GTF3C1: variants seen among roughly 807,000 people sequenced by gnomAD.
GTF3C1 encodes general transcription factor 3C polypeptide 1.
A neutral mutation model predicts 226.7 loss-of-function variants in GTF3C1; 57 were observed. The ratio of observed to expected loss-of-function variants is 0.25; its 90% confidence interval spans 0.20 to 0.31. GTF3C1 has a LOEUF of 0.31. Among genes scored for constraint, GTF3C1 ranks in the 10% least tolerant of loss-of-function variants. The pLI, the probability that GTF3C1 is intolerant of heterozygous loss-of-function variation, is 1.00. For synonymous variants in GTF3C1, 1,090 were observed against 1,084.8 expected, an observed-to-expected ratio of 1.00 and a Z score of -0.09; for missense variants, 2,217 against 2,776.1, an observed-to-expected ratio of 0.80 and a Z score of 4.53.
chr16:27,549,556 C>G, intron 1 of GTF3C1, 114 bp downstream of exon 1: 1 of 671,568 alleles, frequency 1.5e-6, no homozygotes, highest in African/African-American at 1.8e-5. Flanking sequence ...ACTCAATCAA[C>G]AGGCCTCCGG....
intron 6 of GTF3C1, among the ~76,000 whole-genome samples, chr16:27,512,283 G>A (rs537758463): frequency 3.6e-4 from 55 of 152,206 alleles, no homozygotes; most frequent in African/African-American, 1.2e-3. Flanking sequence ...CCACACTCAG[G>A]AGGCACGCGA....
chr16:27,520,999 C>T (rs571388834), intron 6 of GTF3C1, among the ~76,000 whole-genome samples: 2 of 152,300 alleles, frequency 1.3e-5, no homozygotes, highest in African/African-American at 4.8e-5. Context: ...GATTAGAGGC[C>T]TAAGCCACAG....
chr16:27,502,245 T>TATGAGGAAGA (rs1192148947), intron 11 of GTF3C1, among the ~76,000 whole-genome samples: 2 of 151,830 alleles, frequency 1.3e-5, no homozygotes, highest in Non-Finnish European at 2.9e-5. Context: ...AGACACGGAG[T>TATGAGGAAGA]ATGAGGAAGA....
At chr16:27,488,091 T>A in intron 23 of GTF3C1, 136 bp downstream of exon 23, 1 of 697,032 alleles carries the variant, frequency 1.4e-6, no homozygotes, top group East Asian at 2.5e-5. Context: ...TCATAGAGAG[T>A]CAGCGCCACA....
chr16:27,488,092 C>T (rs1009191249), intron 23 of GTF3C1, 135 bp downstream of exon 23: 45 of 707,366 alleles, frequency 6.4e-5, no homozygotes, highest in Non-Finnish European at 1.0e-4. Context: ...CATAGAGAGT[C>T]AGCGCCACAC....
At chr16:27,477,358 G>C (rs1334297521) in intron 28 of GTF3C1, among the ~76,000 whole-genome samples, 1 of 151,644 alleles carries the variant, frequency 6.6e-6, no homozygotes, top group African/African-American at 2.4e-5. Flanking sequence ...CCAGGCTTGA[G>C]TGCAATGGTG....
intron 2 of GTF3C1, among the ~76,000 whole-genome samples, chr16:27,541,826 T>C (rs2089088496): frequency 6.6e-6 from 1 of 151,924 alleles, no homozygotes; most frequent in African/African-American, 2.4e-5. Context: ...CGGGACCCAA[T>C]CAGGAGGGCA....
At chr16:27,503,131 G>A in intron 10 of GTF3C1, 136 bp from the exon 11 acceptor site, 1 of 633,486 alleles carries the variant, frequency 1.6e-6, no homozygotes, top group East Asian at 2.7e-5. Context: ...CAAGAAGCCT[G>A]TTCTCCTACA....
In GTF3C1 at chr16:27,509,998, C is replaced by T. The variant is rs542802145; in HGVS notation, c.1127-1343G>A. Among the ~76,000 whole-genome samples, 47 of 152,282 alleles carry T rather than the reference C, an allele frequency of 3.1e-4. No individual in the cohort carries two copies. In the South Asian group the frequency reaches 9.5e-3, roughly 31 times the overall value. On this transcript the variant is annotated intron_variant, in intron 7 of 36. Coordinates refer to ENST00000356183, the MANE Select transcript of GTF3C1 (RefSeq NM_001520.4). Reference sequence around the variant, plus strand: ...GTGTGGTGGCTCACACCTGTAATCCCAGCACTTTGGGAGGCCGAGGTGGGT... The same window carrying T: ...GTGTGGTGGCTCACACCTGTAATCCTAGCACTTTGGGAGGCCGAGGTGGGT...
At chr16:27,509,105 T>C (rs2088532273) in intron 7 of GTF3C1, among the ~76,000 whole-genome samples, 1 of 152,226 alleles carries the variant, frequency 6.6e-6, no homozygotes, top group African/African-American at 2.4e-5. Flanking sequence ...CAGTATTTCT[T>C]GATAGACACA....
rs756483718 is a variant in GTF3C1 at position 27,488,563 on chromosome 16, T to C, written c.3502A>G (p.Ser1168Gly). ...TFLSKRPMPL[S>G]ARGNSRLNIW... is the part of the protein sequence containing the mutation. ...CTCCCAGCACACGTACCTCTGGCAC[T>C]GAGGGGCATTGGGCGCTTGGACAGA... Residue 1168 changes from serine to glycine, a missense_variant, in exon 22 of 37, where the codon AGT becomes GGT. Transcript: ENST00000356183. The C allele has an allele frequency of 6.2e-7, 1 of 1,613,654 alleles. No homozygotes were observed. Among genetic ancestry groups the C allele is most frequent in the South Asian group, 1.1e-5 (1 of 91,082 alleles).
chr16:27,528,268 C>A (rs2088862693), intron 6 of GTF3C1, among the ~76,000 whole-genome samples: 1 of 151,166 alleles, frequency 6.6e-6, no homozygotes, highest in Non-Finnish European at 1.5e-5. Flanking sequence ...GAGACTGCCT[C>A]AAAAAAGCAA....
Position 27,511,894 on chromosome 16 carries a change from G to C in GTF3C1, c.981C>G (p.Asp327Glu). 6.2e-7 allele frequency: 1 copy of C among 1,613,966 alleles called. No homozygotes were observed. Among genetic ancestry groups the C allele is most frequent in the Non-Finnish European group, 8.5e-7 (1 of 1,180,020 alleles). The change falls in exon 7 of 37, where the codon GAC becomes GAG. Residue 327 changes from aspartate to glutamate, a missense_variant. By Grantham distance (45) the Asp-to-Glu change is conservative. Transcript: ENST00000356183. ...CGPCKTKKGT[D>E]VMVRCLKLLK... ...GCAGCTTGAGGCACCGAACCATGACGTCGGTCCCTGGCAACACAAGCACGG... is the reference window on the plus strand; with the variant it reads ...GCAGCTTGAGGCACCGAACCATGACCTCGGTCCCTGGCAACACAAGCACGG...
At chr16:27,474,369 T>C (rs1035183894) in intron 29 of GTF3C1, among the ~76,000 whole-genome samples, 1 of 152,092 alleles carries the variant, frequency 6.6e-6, no homozygotes, top group Admixed American at 6.5e-5. Flanking sequence ...GTGGGAATAA[T>C]ACTGGGGATG....
chr16:27,470,187 G>A lies in GTF3C1; in HGVS notation c.4735C>T (p.Leu1579Phe). ...GGGATCCTGACATCCACAGAAATGA[G>A]GCCCAGAGAGAAGAGGGTCAGGACG... is the stretch of plus-strand genomic sequence containing the variant. ...VAVLTLFSLG[L>F]ISVDVRIPEQ... is the part of the protein sequence containing the mutation. Residue 1579 changes from leucine (L) to phenylalanine (F), a missense_variant, in exon 31 of 37, where the codon CTC becomes TTC. Coordinates refer to ENST00000356183, the MANE Select transcript of GTF3C1 (RefSeq NM_001520.4). This position sits in a 1 kb window ranked among gnomAD's most constrained non-coding sequence, Gnocchi z 4.9. 1 of 1,613,588 alleles carries A rather than the reference G, an allele frequency of 6.2e-7. No individual in the cohort carries two copies. The highest frequency in any genetic ancestry group is 1.1e-5 in the South Asian group (1 of 91,066).
At chr16:27,532,236 A>T (rs978882381) in intron 5 of GTF3C1, among the ~76,000 whole-genome samples, 2 of 152,232 alleles carry the variant, frequency 1.3e-5, no homozygotes, top group Non-Finnish European at 2.9e-5. Context: ...ACTGCTTTAA[A>T]GAGGCTTAGG....
At position 27,492,089 on chromosome 16, in the gene GTF3C1, C is replaced by A. The variant is rs956664008; in HGVS notation, c.3151+249G>T. Among the ~76,000 whole-genome samples, 14 of 152,262 alleles carry A rather than the reference C, an allele frequency of 9.2e-5. No homozygotes were observed. The highest frequency in any genetic ancestry group is 3.1e-4 in the African/African-American group (13 of 41,548). ...CCGGTGTGTTTAATAAATACCTACTCAATGAACAAATGAAGACAAAGTGCA... is the reference window on the plus strand; with the variant it reads ...CCGGTGTGTTTAATAAATACCTACTAAATGAACAAATGAAGACAAAGTGCA... On this transcript the variant is annotated intron_variant, in intron 19 of 36. Transcript: ENST00000356183. This position sits in a 1 kb window ranked among gnomAD's most constrained non-coding sequence, Gnocchi z 5.0.
At chr16:27,494,402 T>TAA (rs1266507197) in intron 16 of GTF3C1, among the ~76,000 whole-genome samples, 1 of 94,292 alleles carries the variant, frequency 1.1e-5, no homozygotes, top group African/African-American at 4.1e-5. Context: ...CTCTGTCTCA[T>TAA]AAAAAAAAAA....
At chr16:27,526,514 C>A (rs1271366068) in intron 6 of GTF3C1, among the ~76,000 whole-genome samples, 1 of 152,250 alleles carries the variant, frequency 6.6e-6, no homozygotes. Flanking sequence ...TTAACCAATT[C>A]TCTTGTTTCT....
Sources: allele counts gnomAD v4.1 joint callset (sites outside exome capture counted in the v4.1 genomes callset), GRCh38; gene constraint gnomAD v4.1.1; non-coding constraint Gnocchi (gnomAD v3.1); transcripts MANE v1.5; gene names NCBI Gene and HGNC (gene_info 2026-07-23, HGNC 2026-07-21).